Variants in DLGAP2 observed in about 807,000 individuals in gnomAD.
DLGAP2 encodes DLG associated protein 2, also known as disks large-associated protein 2.
DLGAP2 carries 26 observed loss-of-function variants against 100.3 expected under a neutral mutation model. The ratio of observed to expected loss-of-function variants is 0.26; its 90% CI spans 0.19 to 0.36. The LOEUF (loss-of-function observed/expected upper bound fraction) is 0.36, where lower values mean the gene tolerates loss of function less well. DLGAP2 is among the 10% of genes least tolerant of loss of function. DLGAP2 has a pLI of 1.00. For missense variants in DLGAP2, 1,858 were observed against 1,453.2 expected (o/e 1.28, Z -4.53); for synonymous variants, 886 against 630.1 (o/e 1.41, Z -6.08).
rs539227280 is a variant in DLGAP2, at chr8:1,658,189, A to T, written c.1811-10140A>T. 8.5e-5 allele frequency among the ~76,000 whole-genome samples: 13 copies of T among 152,136 alleles called. No individual in the cohort carries two copies. In the East Asian group the frequency reaches 2.1e-3, roughly 25 times the overall value. ...CCTCCACCTGGCTGGTTGCCATGAT[A>T]CCTGTATACCTGGCTTTACCTGGAG... is the stretch of plus-strand genomic sequence containing the variant. On this transcript the variant is annotated intron_variant, in intron 8 of 14. Coordinates refer to ENST00000637795, the MANE Select transcript of DLGAP2 (RefSeq NM_001346810.2).
At chr8:1,282,040 A>T (rs1302374301) in intron 3 of DLGAP2, among the ~76,000 whole-genome samples, 1 of 146,110 alleles carries the variant, frequency 6.8e-6, no homozygotes, top group Admixed American at 6.7e-5. Context: ...ACCATGAACC[A>T]TCCGGACGTG....
At chr8:1,122,926 C>T (rs1268404465) in intron 2 of DLGAP2, among the ~76,000 whole-genome samples, 1 of 152,162 alleles carries the variant, frequency 6.6e-6, no homozygotes, top group Non-Finnish European at 1.5e-5. Flanking sequence ...GATACCAGCT[C>T]TTAAGAACCT....
rs184136142 is a variant in DLGAP2 at position 1,510,874 on chromosome 8, A to C, written c.172+9443A>C. Among the ~76,000 whole-genome samples, 9 of 152,376 alleles carry C rather than the reference A, an allele frequency of 5.9e-5. No individual in the cohort carries two copies. The East Asian group carries it at 1.7e-3, about 29-fold the overall frequency. The stretch of plus-strand genomic sequence containing the variant: ...CACCTGAAACTGAGGTCGGTGTTAC[A>C]TAATTAATAAGGAATTGTGTTTGGA... On this transcript the variant is annotated intron_variant, in intron 4 of 14. Transcript: ENST00000637795.
chr8:1,326,251 C>G (rs891863678), intron 3 of DLGAP2, among the ~76,000 whole-genome samples: 1 of 152,212 alleles, frequency 6.6e-6, no homozygotes, highest in South Asian at 2.1e-4. Context: ...GGGCATTTAA[C>G]TTGTATGCAG....
chr8:1,269,909 A>C (rs368013766), intron 3 of DLGAP2, among the ~76,000 whole-genome samples: 2 of 152,146 alleles, frequency 1.3e-5, no homozygotes, highest in African/African-American at 4.8e-5. Context: ...AATTGAACTA[A>C]ATCTTCATCT....
intron 2 of DLGAP2, among the ~76,000 whole-genome samples, chr8:1,204,656 A>G (rs1797951955): frequency 1.3e-5 from 2 of 152,138 alleles, no homozygotes; most frequent in Admixed American, 1.3e-4. Flanking sequence ...TCGCCAAAGA[A>G]CCCAGCCCAT....
intron 1 of DLGAP2, among the ~76,000 whole-genome samples, chr8:779,709 T>C (rs1161043042): frequency 6.6e-6 from 1 of 152,120 alleles, no homozygotes; most frequent in Non-Finnish European, 1.5e-5. Context: ...CTGTTAGCCA[T>C]CCAAATCTTT....
intron 1 of DLGAP2, among the ~76,000 whole-genome samples, chr8:820,430 T>C (rs1464006802): frequency 6.6e-6 from 1 of 152,098 alleles, no homozygotes; most frequent in South Asian, 2.1e-4. Flanking sequence ...GAAAAAACAT[T>C]TGCAATGTGT....
intron 1 of DLGAP2, among the ~76,000 whole-genome samples, chr8:877,860 T>G (rs1797714883): frequency 6.6e-6 from 1 of 152,236 alleles, no homozygotes; most frequent in African/African-American, 2.4e-5. Flanking sequence ...AACCATCTGC[T>G]TTTGTCCTGC....
At chr8:1,010,514 A>G (rs1014279665) in intron 2 of DLGAP2, among the ~76,000 whole-genome samples, 3 of 152,246 alleles carry the variant, frequency 2.0e-5, no homozygotes, top group African/African-American at 7.2e-5. Flanking sequence ...ATGGGCACAC[A>G]TACGCCCACA....
In DLGAP2 at chr8:1,678,196, C is replaced by A; in HGVS notation, c.2289-18C>A. 5 of 1,592,714 alleles carry A rather than the reference C, an allele frequency of 3.1e-6. No individual in the cohort carries two copies. The highest frequency in any genetic ancestry group is 4.3e-6 in the Non-Finnish European group (5 of 1,167,694). Reference sequence around the variant, plus strand: ...TCTCAGAAGGGCTACCATCTGTCTTCCTTCCCTCCTTTTGCAGACACGGAC... The same window carrying A: ...TCTCAGAAGGGCTACCATCTGTCTTACTTCCCTCCTTTTGCAGACACGGAC... On this transcript the variant is annotated intron_variant, in intron 11 of 14. Coordinates refer to ENST00000637795, the MANE Select transcript of DLGAP2 (RefSeq NM_001346810.2).
At chr8:1,226,926 C>A (rs11774083) in intron 2 of DLGAP2, among the ~76,000 whole-genome samples, 3,709 of 151,686 alleles carry the variant, frequency 0.024, 52 homozygotes, top group Middle Eastern at 0.078. Flanking sequence ...TAGATTTGTG[C>A]AACAATTATG....
chr8:1,048,774 TG>T (rs1180455978), intron 2 of DLGAP2, among the ~76,000 whole-genome samples: 1 of 151,992 alleles, frequency 6.6e-6, no homozygotes, highest in Admixed American at 6.6e-5. Context: ...GCTGCAGTCT[TG>T]GGACAGCCAC....
rs75385375 is a variant in DLGAP2, at chr8:1,456,021, G to A, written c.107-45345G>A. On this transcript the variant is annotated intron_variant, in intron 3 of 14. Transcript: ENST00000637795. ...GATGCCCCATGATGCACACCAGCCCGATGGCCGCTCGCTGATTGGATTCTG... is the reference window on the plus strand; with the variant it reads ...GATGCCCCATGATGCACACCAGCCCAATGGCCGCTCGCTGATTGGATTCTG... 7.9e-5 allele frequency among the ~76,000 whole-genome samples: 12 copies of A among 152,170 alleles called. 1 individual carries two copies. Among genetic ancestry groups the A allele is most frequent in the Admixed American group, 5.2e-4 (8 of 15,274 alleles).
In DLGAP2 at chr8:1,287,157, T is replaced by TGC. The variant is rs1259394109; in HGVS notation, c.106+28286_106+28287dup. On this transcript the variant is annotated intron_variant, in intron 3 of 14. Coordinates refer to ENST00000637795, the MANE Select transcript of DLGAP2 (RefSeq NM_001346810.2). Reference sequence around the variant, plus strand: ...GTGTGTGTGTGTGTGTGTGTGTGTGTGCGCGCGCGCGCGTGGTTCTGTTAG... The same window carrying TGC: ...GTGTGTGTGTGTGTGTGTGTGTGTGTGCGCGCGCGCGCGCGTGGTTCTGTTAG... 2.4e-3 allele frequency among the ~76,000 whole-genome samples: 243 copies of TGC among 99,494 alleles called. 5 individuals are homozygous for TGC. The highest frequency in any genetic ancestry group is 2.7e-3 in the African/African-American group (82 of 30,870). 65.3% of individuals were successfully genotyped at this position (99,494 alleles called of 152,430 possible).
chr8:1,448,858 A>T (rs965137597), intron 3 of DLGAP2, among the ~76,000 whole-genome samples: 1 of 152,220 alleles, frequency 6.6e-6, no homozygotes, highest in Non-Finnish European at 1.5e-5. Flanking sequence ...CTGGATTCTA[A>T]TGTTGATCCT....
chr8:1,348,295 T>G (rs1399952986), intron 3 of DLGAP2, among the ~76,000 whole-genome samples: 1 of 144,428 alleles, frequency 6.9e-6, no homozygotes, highest in Non-Finnish European at 1.5e-5. Flanking sequence ...AGTTTCCACA[T>G]AGAGCTGCAT....
At chr8:1,125,444 A>G (rs1341662779) in intron 2 of DLGAP2, among the ~76,000 whole-genome samples, 1 of 152,180 alleles carries the variant, frequency 6.6e-6, no homozygotes, top group African/African-American at 2.4e-5. Flanking sequence ...TTTTCAACCA[A>G]TTGTAGGTAC....
At chr8:1,625,432 G>A (rs946914041) in intron 6 of DLGAP2, among the ~76,000 whole-genome samples, 7 of 152,182 alleles carry the variant, frequency 4.6e-5, no homozygotes, top group African/African-American at 7.2e-5. Context: ...ACAAAACGGC[G>A]AGAAGGAAGA....
Sources: gnomAD v4.1 joint callset for allele counts (sites outside exome capture counted in the v4.1 genomes callset) on GRCh38, gnomAD v4.1.1 for gene constraint, MANE v1.5 for transcripts, NCBI Gene and HGNC (gene_info 2026-07-23, HGNC 2026-07-21) for gene names.